The following ZSWIM5 variants were observed in gnomAD, a reference collection of about 807,000 sequenced individuals.
The protein encoded by ZSWIM5 is zinc finger SWIM domain-containing protein 5.
In ZSWIM5, 55 loss-of-function variants were observed where a neutral mutation model predicts 119.6. The observed-to-expected ratio is 0.46, with a 90% confidence interval of 0.37 to 0.58. The LOEUF is 0.58. Ranked by LOEUF, ZSWIM5 falls within the 20% of genes least tolerant of loss-of-function variation. The pLI is 0.00. For missense variants in ZSWIM5, 1,193 were observed against 1,512.8 expected (o/e 0.79, Z 3.51); for synonymous variants, 537 against 606.9 (o/e 0.88, Z 1.69).
chr1:45,043,812 TC>T (rs1360980813), intron 5 of ZSWIM5, among the ~76,000 whole-genome samples: 3 of 152,142 alleles, frequency 2.0e-5, no homozygotes, highest in Non-Finnish European at 2.9e-5. Flanking sequence ...CTAGGTAATA[TC>T]CCTGGCCAAT....
chr1:45,115,996 C>A (rs1480627564), intron 1 of ZSWIM5, among the ~76,000 whole-genome samples: 1 of 152,134 alleles, frequency 6.6e-6, no homozygotes, highest in Non-Finnish European at 1.5e-5. Flanking sequence ...CAATCCCAGG[C>A]ACTCGCAGGC....
chr1:45,114,612 G>A (rs1432778474), intron 1 of ZSWIM5, among the ~76,000 whole-genome samples: 1 of 150,592 alleles, frequency 6.6e-6, no homozygotes, highest in African/African-American at 2.4e-5. Flanking sequence ...AGCTGGTCAA[G>A]TCTTGCACAC....
intron 1 of ZSWIM5, among the ~76,000 whole-genome samples, chr1:45,123,403 G>A (rs1372262518): frequency 1.3e-5 from 2 of 152,140 alleles, no homozygotes; most frequent in Admixed American, 1.3e-4. Context: ...TCTCTCAGCA[G>A]AGAAACAGAA....
chr1:45,077,777 C>T (rs1645264487), intron 2 of ZSWIM5, among the ~76,000 whole-genome samples: 1 of 152,212 alleles, frequency 6.6e-6, no homozygotes. Context: ...AGACCTACCC[C>T]TAGGTGCACA....
At chr1:45,050,889 T>C (rs1645084622) in intron 5 of ZSWIM5, among the ~76,000 whole-genome samples, 185 bp downstream of exon 5, 1 of 152,200 alleles carries the variant, frequency 6.6e-6, no homozygotes, top group African/African-American at 2.4e-5. Context: ...CAACTCAATG[T>C]CAAAGATAAA....
rs576128858 is a variant in ZSWIM5 at position 45,206,168 on chromosome 1, C to T, written c.183G>A (p.Gln61=). ...CLVLGARPHL[Q]PDSLLDCAAK... ...CGGCGCAGTCCAGTAAGGAATCCGG[C>T]TGCAGGTGGGGGCGGGCCCCGAGGA... is the stretch of plus-strand genomic sequence containing the variant. Residue 61 remains glutamine, a synonymous_variant, in exon 1 of 14, where the codon CAG becomes CAA. Coordinates refer to ENST00000359600, the MANE Select transcript of ZSWIM5 (RefSeq NM_020883.2). 20 of 1,607,362 alleles carry T rather than the reference C, an allele frequency of 1.2e-5. No individual in the cohort carries two copies. The African/African-American group carries it at 2.5e-4, about 20-fold the overall frequency.
intron 1 of ZSWIM5, among the ~76,000 whole-genome samples, chr1:45,151,483 G>A (rs1166375489): frequency 6.6e-6 from 1 of 151,780 alleles, no homozygotes; most frequent in Middle Eastern, 3.2e-3. Context: ...AAGAAGAAAG[G>A]CACATTTTCT....
intron 1 of ZSWIM5, among the ~76,000 whole-genome samples, chr1:45,096,558 A>G (rs531214275): frequency 6.6e-6 from 1 of 151,496 alleles, no homozygotes; most frequent in Non-Finnish European, 1.5e-5. Flanking sequence ...ACACACGCAC[A>G]CACACACACA....
At chr1:45,086,788 TA>T (rs531052347) in intron 2 of ZSWIM5, among the ~76,000 whole-genome samples, 1 of 149,026 alleles carries the variant, frequency 6.7e-6, no homozygotes, top group African/African-American at 2.5e-5. Flanking sequence ...TAATAAAAAA[TA>T]AAAAAAATAA....
chr1:45,166,978 G>T (rs1420325328), intron 1 of ZSWIM5, among the ~76,000 whole-genome samples: 1 of 152,036 alleles, frequency 6.6e-6, no homozygotes, highest in Non-Finnish European at 1.5e-5. Flanking sequence ...CTACTTTAAA[G>T]TTCAGACGGA....
chr1:45,102,259 A>G (rs1345886936), intron 1 of ZSWIM5, among the ~76,000 whole-genome samples: 1 of 152,060 alleles, frequency 6.6e-6, no homozygotes, highest in East Asian at 1.9e-4. Flanking sequence ...AAACACACCA[A>G]ACTATTTGCA....
Position 45,021,932 on chromosome 1 carries a change from G to A in ZSWIM5, c.2450-1144C>T, listed in dbSNP as rs374928752. ...AGCTACTAAGGAGGCTGAGGCAGGA[G>A]AAGAGCTTGAACCTGGGAGGCGGAG... On this transcript the variant is annotated intron_variant, in intron 11 of 13. Transcript: ENST00000359600. 1.9e-4 allele frequency among the ~76,000 whole-genome samples: 29 copies of A among 150,806 alleles called. No homozygotes were observed. The South Asian group carries it at 4.2e-3, about 22-fold the overall frequency.
Position 45,205,772 on chromosome 1 carries a change from C to G in ZSWIM5, c.579G>C (p.Glu193Asp). ...GIRLLDSGSV[E>D]NVLQVGFHLS... ...AGCACATACCGACTTGCAGCACGTT[C>G]TCCACGGAGCCGCTGTCCAGCAGAC... Residue 193 changes from glutamate (E) to aspartate (D), a missense_variant, in exon 1 of 14, where the codon GAG (glutamate) becomes GAC (aspartate). Glu to Asp is a conservative substitution (Grantham distance 45). This residue lies in a region of ZSWIM5 where 961 missense variants were observed against 1,290.0 expected (regional missense o/e 0.74). Transcript: ENST00000359600. 2 of 1,568,142 alleles carry G rather than the reference C, an allele frequency of 1.3e-6. 1 individual carries two copies. The highest frequency in any genetic ancestry group is 2.3e-5 in the South Asian group (2 of 87,088).
chr1:45,153,786 G>A (rs1486043271), intron 1 of ZSWIM5, among the ~76,000 whole-genome samples: 2 of 147,194 alleles, frequency 1.4e-5, no homozygotes, highest in African/African-American at 5.0e-5. Flanking sequence ...ATCTAAATTG[G>A]TAAAGAGGAA....
At chr1:45,104,154 C>T (rs1279844834) in intron 1 of ZSWIM5, among the ~76,000 whole-genome samples, 1 of 152,164 alleles carries the variant, frequency 6.6e-6, no homozygotes, top group Non-Finnish European at 1.5e-5. Context: ...AAGGCCACAG[C>T]AGTATACCAG....
intron 1 of ZSWIM5, among the ~76,000 whole-genome samples, chr1:45,203,277 G>T (rs895049316): frequency 6.6e-6 from 1 of 152,018 alleles, no homozygotes; most frequent in African/African-American, 2.4e-5. Context: ...AGAAATTACA[G>T]AATTTAATCT....
intron 5 of ZSWIM5, among the ~76,000 whole-genome samples, chr1:45,050,662 T>TAAGAA (rs1343511792): frequency 6.6e-6 from 1 of 152,268 alleles, no homozygotes; most frequent in East Asian, 1.9e-4. Context: ...AAAACAGAAG[T>TAAGAA]AAGAAAAGCT....
chr1:45,087,416 C>T (rs555464086), intron 2 of ZSWIM5, among the ~76,000 whole-genome samples: 1 of 152,184 alleles, frequency 6.6e-6, no homozygotes, highest in East Asian at 1.9e-4. Context: ...ATTAATGCAC[C>T]CCCAATATAT....
chr1:45,133,835 C>T (rs1404761106), intron 1 of ZSWIM5, among the ~76,000 whole-genome samples: 1 of 151,924 alleles, frequency 6.6e-6, no homozygotes, highest in East Asian at 1.9e-4. Flanking sequence ...ATATGGCTAG[C>T]CAGTTTTCCC....
Sources: gnomAD v4.1 joint callset for allele counts (sites outside exome capture counted in the v4.1 genomes callset) on GRCh38, gnomAD v4.1.1 for gene constraint, gnomAD v4.1.1 regional missense constraint, MANE v1.5 for transcripts, NCBI Gene and HGNC (gene_info 2026-07-23, HGNC 2026-07-21) for gene names.